PLEKHA5: variants seen among roughly 807,000 people sequenced by gnomAD.
PLEKHA5 encodes pleckstrin homology domain containing A5, also known as pleckstrin homology domain-containing family A member 5.
A neutral mutation model predicts 181.9 loss-of-function variants in PLEKHA5; 55 were observed. The observed-to-expected ratio is 0.30, with a 90% CI of 0.24 to 0.38. The LOEUF is 0.38. Among genes scored for constraint, PLEKHA5 ranks in the 10% least tolerant of loss-of-function variants. The probability of loss-of-function intolerance (pLI) is 1.00; values close to 1 mark genes in which losing one functional copy is unlikely to be tolerated. For synonymous variants in PLEKHA5, 535 were observed against 529.4 expected (o/e 1.01, Z -0.15); for missense variants, 1,432 against 1,549.5 (o/e 0.92, Z 1.27).
chr12:19,271,350 C>G (rs551478633), intron 10 of PLEKHA5, among the ~76,000 whole-genome samples: 1 of 152,016 alleles, frequency 6.6e-6, no homozygotes, highest in South Asian at 2.1e-4. Flanking sequence ...ACCAAAAATA[C>G]AAAAATTAGC....
chr12:19,344,563 A>C (rs530632316), intron 22 of PLEKHA5, among the ~76,000 whole-genome samples: 1 of 152,360 alleles, frequency 6.6e-6, no homozygotes, highest in East Asian at 1.9e-4. Flanking sequence ...TTATTAATAC[A>C]TACAACTAAA....
At chr12:19,213,104 A>G (rs542270588) in intron 3 of PLEKHA5, among the ~76,000 whole-genome samples, 1 of 152,232 alleles carries the variant, frequency 6.6e-6, no homozygotes, top group East Asian at 1.9e-4. Context: ...GGTGACCTAA[A>G]TCTTCAAAGA....
At chr12:19,172,453 C>T (rs918058904) in intron 3 of PLEKHA5, among the ~76,000 whole-genome samples, 1 of 152,058 alleles carries the variant, frequency 6.6e-6, no homozygotes, top group Non-Finnish European at 1.5e-5. Context: ...AGAAAACAAA[C>T]GACCCGGGGG....
intron 18 of PLEKHA5, among the ~76,000 whole-genome samples, chr12:19,321,817 G>A (rs150812835): frequency 6.6e-6 from 1 of 152,070 alleles, no homozygotes; most frequent in African/African-American, 2.4e-5. Context: ...CCATAAAGTT[G>A]GGGACATATT....
At chr12:19,348,728 T>C (rs1415801782) in intron 25 of PLEKHA5, among the ~76,000 whole-genome samples, 1 of 152,192 alleles carries the variant, frequency 6.6e-6, no homozygotes, top group African/African-American at 2.4e-5. Flanking sequence ...TCATCTCAGC[T>C]AGGTATGAGG....
intron 3 of PLEKHA5, among the ~76,000 whole-genome samples, chr12:19,182,125 T>C (rs891850564): frequency 6.6e-6 from 1 of 152,216 alleles, no homozygotes; most frequent in Admixed American, 6.5e-5. Context: ...TTTTTAAGAC[T>C]TATTTATATA....
At chr12:19,325,118 G>C (rs2091784735) in intron 20 of PLEKHA5, among the ~76,000 whole-genome samples, 1 of 152,236 alleles carries the variant, frequency 6.6e-6, no homozygotes, top group Non-Finnish European at 1.5e-5. Context: ...TTTGCCAGGA[G>C]TGCTGGCTCA....
intron 11 of PLEKHA5, among the ~76,000 whole-genome samples, chr12:19,279,657 C>A: frequency 6.8e-6 from 1 of 146,530 alleles, no homozygotes; most frequent in African/African-American, 2.6e-5. Flanking sequence ...GAGACTCCAT[C>A]TCAAAAAAAA....
intron 3 of PLEKHA5, among the ~76,000 whole-genome samples, chr12:19,194,160 G>T (rs747687919): frequency 6.6e-6 from 1 of 152,150 alleles, no homozygotes; most frequent in Non-Finnish European, 1.5e-5. Flanking sequence ...ATGTGTACAC[G>T]TTATTTAGTT....
Position 19,283,736 on chromosome 12 carries a change from T to C in PLEKHA5, c.1770T>C (p.His590=). ...DVTIDRRHRA[H]HPKHVYVPDR... The stretch of plus-strand genomic sequence containing the variant: ...CAATAGACCGCAGACACAGGGCCCA[T>C]CACCCTAAGGTAAAATAGCTGCTGA... The change falls in exon 12 of 32, where the codon CAT becomes CAC. Residue 590 remains histidine, a synonymous_variant. Coordinates refer to ENST00000429027, the MANE Select transcript of PLEKHA5 (RefSeq NM_001256470.2). 1.2e-6 allele frequency: 2 copies of C among 1,608,414 alleles called. No individual in the cohort carries two copies. The highest frequency in any genetic ancestry group is 1.7e-6 in the Non-Finnish European group (2 of 1,175,338).
chr12:19,131,075 C>CGG (rs2150955497), intron 2 of PLEKHA5, among the ~76,000 whole-genome samples: 1 of 152,316 alleles, frequency 6.6e-6, no homozygotes, highest in South Asian at 2.1e-4. Context: ...TGTTTACATT[C>CGG]GTGACTTGTT....
intron 3 of PLEKHA5, chr12:19,236,959 G>A (rs540889854): frequency 4.5e-4 from 68 of 152,290 alleles, no homozygotes; most frequent in African/African-American, 1.6e-3. Flanking sequence ...CAAAGCAGTT[G>A]AGTCTTATTT....
At chr12:19,136,403 C>T (rs1305535325) in intron 3 of PLEKHA5, among the ~76,000 whole-genome samples, 1 of 152,096 alleles carries the variant, frequency 6.6e-6, no homozygotes, top group Non-Finnish European at 1.5e-5. Context: ...AATTTTATAA[C>T]TTGTAAAGTG....
chr12:19,215,172 G>A (rs1460478610), intron 3 of PLEKHA5, among the ~76,000 whole-genome samples: 8 of 148,064 alleles, frequency 5.4e-5, no homozygotes, highest in East Asian at 3.9e-4. Flanking sequence ...GTGAGATTCC[G>A]TCTCAAAAAA....
rs145210721 is a variant in PLEKHA5, at chr12:19,301,932, G to T, written c.2037+10235G>T. 2.9e-3 allele frequency among the ~76,000 whole-genome samples: 441 copies of T among 152,220 alleles called. 1 individual carries two copies. Among genetic ancestry groups the T allele is most frequent in the African/African-American group, 0.01 (418 of 41,544 alleles). The stretch of plus-strand genomic sequence containing the variant: ...ACTTTCAGGTGTGCCTAGAGAGAGT[G>T]GAAGGCAAATTTACATTGTTATTAT... On this transcript the variant is annotated intron_variant, in intron 15 of 31. Transcript: ENST00000429027.
At chr12:19,149,878 T>A (rs1267030595) in intron 3 of PLEKHA5, 7 of 152,246 alleles carry the variant, frequency 4.6e-5, no homozygotes, top group Non-Finnish European at 1.0e-4. Context: ...TACTGCTTTC[T>A]GTTGGCTAAA....
intron 11 of PLEKHA5, among the ~76,000 whole-genome samples, chr12:19,281,768 TTTGTTGTTGTTG>T (rs71064075): frequency 8.0e-5 from 12 of 149,618 alleles, no homozygotes; most frequent in South Asian, 2.1e-4. Flanking sequence ...CAAAGTGGTT[TTTGTTGTTGTTG>T]TTGTTGTTGT....
At position 19,332,789 on chromosome 12, in the gene PLEKHA5, A is replaced by G. The variant is rs1050911140; in HGVS notation, c.2449-3726A>G. Among the ~76,000 whole-genome samples, 52 of 152,174 alleles carry G rather than the reference A, an allele frequency of 3.4e-4. 2 individuals carry two copies. The highest frequency in any genetic ancestry group is 4.4e-5 in the Non-Finnish European group (3 of 68,036). On this transcript the variant is annotated intron_variant, in intron 20 of 31. Transcript: ENST00000429027. ...ATCCTCTCACCTCAGCCTCCCAAGT[A>G]GCTGGGACTACAGACATGCGCCACC... is the stretch of plus-strand genomic sequence containing the variant.
chr12:19,132,318 G>A (rs1202541273), intron 2 of PLEKHA5, 75 bp from the exon 3 acceptor site: 2 of 788,490 alleles, frequency 2.5e-6, no homozygotes, highest in African/African-American at 1.8e-5. Context: ...AAATGAAAAT[G>A]GATAATTAAA....
Sources: gnomAD v4.1 joint callset for allele counts (sites outside exome capture counted in the v4.1 genomes callset) on GRCh38, gnomAD v4.1.1 for gene constraint, MANE v1.5 for transcripts, NCBI Gene and HGNC (gene_info 2026-07-23, HGNC 2026-07-21) for gene names.